The following ATXN1 variants were observed in gnomAD, a reference collection of about 807,000 sequenced individuals.
The protein encoded by ATXN1 is ataxin 1.
Under a neutral mutation model 56.4 loss-of-function variants are expected in ATXN1, and 8 were observed. The ratio of observed to expected loss-of-function variants is 0.14; its 90% CI spans 0.08 to 0.26. The LOEUF (loss-of-function observed/expected upper bound fraction) is 0.26. ATXN1 is among the 10% of genes least tolerant of loss of function. The probability of loss-of-function intolerance (pLI) is 1.00; values close to 1 mark genes in which losing one functional copy is unlikely to be tolerated. For missense variants in ATXN1, 987 were observed against 1,106.5 expected (o/e 0.89, Z 1.53); for synonymous variants, 514 against 494.6 (o/e 1.04, Z -0.52).
At chr6:16,414,333 C>A (rs955677813) in intron 6 of ATXN1, among the ~76,000 whole-genome samples, 11 of 152,202 alleles carry the variant, frequency 7.2e-5, no homozygotes, top group African/African-American at 2.7e-4. Flanking sequence ...TAATGCTTAT[C>A]GGTCACTGTT....
intron 2 of ATXN1, among the ~76,000 whole-genome samples, chr6:16,665,018 G>GC (rs1246825831): frequency 6.6e-6 from 1 of 152,026 alleles, no homozygotes; most frequent in Non-Finnish European, 1.5e-5. Flanking sequence ...TTAGATTTTT[G>GC]CAGCTCTCTT....
At chr6:16,317,354 T>G (rs1760535589) in intron 7 of ATXN1, among the ~76,000 whole-genome samples, 1 of 151,786 alleles carries the variant, frequency 6.6e-6, no homozygotes. Flanking sequence ...AGACAGAGTC[T>G]CACTCTGTCG....
chr6:16,434,835 A>T (rs10456203), intron 6 of ATXN1, among the ~76,000 whole-genome samples: 45,688 of 152,100 alleles, frequency 0.3, 7,771 homozygotes, highest in Middle Eastern at 0.47. Flanking sequence ...ATATAATCAC[A>T]TAAATACCTA....
At position 16,344,603 on chromosome 6, in the gene ATXN1, T is replaced by C. The variant is rs151313854; in HGVS notation, c.-160-16133A>G. 2.8e-3 allele frequency among the ~76,000 whole-genome samples: 422 copies of C among 152,336 alleles called. 1 individual carries two copies. Among genetic ancestry groups the C allele is most frequent in the Middle Eastern group, 6.8e-3 (2 of 294 alleles). On this transcript the variant is annotated intron_variant, in intron 6 of 7. Transcript: ENST00000436367. ...TCTTCAGCTTTTGGACTCTTGGACC[T>C]ACACTAATGGTTGGCCAGGGCTCTT... is the stretch of plus-strand genomic sequence containing the variant.
At chr6:16,531,560 T>C (rs906912878) in intron 4 of ATXN1, among the ~76,000 whole-genome samples, 1 of 150,418 alleles carries the variant, frequency 6.6e-6, no homozygotes, top group Non-Finnish European at 1.5e-5. Flanking sequence ...GATGTGGAGG[T>C]TGCAGTGAGC....
intron 3 of ATXN1, among the ~76,000 whole-genome samples, chr6:16,655,691 C>CAAAT (rs1033865768): frequency 6.5e-4 from 98 of 150,794 alleles, no homozygotes; most frequent in African/African-American, 1.7e-3. Context: ...AACCCCGTCT[C>CAAAT]AAATAAATAA....
In ATXN1 at chr6:16,327,410, C is replaced by T. The variant is rs1274047451; in HGVS notation, c.901G>A (p.Val301Ile). 6.2e-7 allele frequency: 1 copy of T among 1,613,734 alleles called. No individual in the cohort carries two copies. Among genetic ancestry groups the T allele is most frequent in the South Asian group, 1.1e-5 (1 of 91,080 alleles). Residue 301 changes from valine (V) to isoleucine (I), a missense_variant, in exon 7 of 8, where the codon GTC becomes ATC. This residue lies in a region of ATXN1 where 723 missense variants were observed against 791.7 expected (regional missense o/e 0.91). Transcript: ENST00000436367. The stretch of plus-strand genomic sequence containing the variant: ...GCTTTCTTGGTGGCCTCCCGAGGGA[C>T]AAAGTGGCTGCCGGAGTCGGCGTAT... ...MQYADSGSHF[V>I]PREATKKAES...
chr6:16,605,579 T>C (rs1312252321), intron 3 of ATXN1, among the ~76,000 whole-genome samples: 1 of 152,134 alleles, frequency 6.6e-6, no homozygotes, highest in Non-Finnish European at 1.5e-5. Context: ...GTATGATGCA[T>C]GGGGGAAGAG....
At chr6:16,426,991 G>A (rs545865296) in intron 6 of ATXN1, among the ~76,000 whole-genome samples, 9 of 151,886 alleles carry the variant, frequency 5.9e-5, no homozygotes, top group African/African-American at 1.9e-4. Context: ...CTAAAGCCCC[G>A]CCCCCTCACC....
intron 4 of ATXN1, among the ~76,000 whole-genome samples, chr6:16,539,767 G>C (rs1761675492): frequency 6.6e-6 from 1 of 152,112 alleles, no homozygotes; most frequent in African/African-American, 2.4e-5. Flanking sequence ...ACCCACTATA[G>C]AACAGTTCTA....
intron 4 of ATXN1, among the ~76,000 whole-genome samples, chr6:16,561,752 G>A (rs973057525): frequency 6.6e-6 from 1 of 152,154 alleles, no homozygotes; most frequent in African/African-American, 2.4e-5. Context: ...GCAGAGAGGG[G>A]AGGCAGGAGG....
At position 16,473,282 on chromosome 6, in the gene ATXN1, G is replaced by A. The variant is rs146930429; in HGVS notation, c.-161+12690C>T. Among the ~76,000 whole-genome samples the A allele has an allele frequency of 5.6e-4, 86 of 152,314 alleles. No individual in the cohort carries two copies. The Middle Eastern group carries it at 0.014, about 24-fold the overall frequency. ...AGCCACTCCGACCCGATATCAGGCA[G>A]TTTCAGTGACAACAAACTGGTCCCC... On this transcript the variant is annotated intron_variant, in intron 6 of 7. Transcript: ENST00000436367.
chr6:16,495,735 C>T (rs940583589), intron 5 of ATXN1, among the ~76,000 whole-genome samples: 1 of 151,984 alleles, frequency 6.6e-6, no homozygotes, highest in African/African-American at 2.4e-5. Flanking sequence ...TGGTGGCAGG[C>T]GCCTGTAGTC....
At chr6:16,617,268 A>C (rs1005413752) in intron 3 of ATXN1, among the ~76,000 whole-genome samples, 12 of 152,208 alleles carry the variant, frequency 7.9e-5, no homozygotes, top group African/African-American at 2.7e-4. Flanking sequence ...GCATGGATCA[A>C]AAATTACAAG....
chr6:16,451,052 C>T lies in ATXN1; in HGVS notation c.-161+34920G>A, dbSNP rs559213895. 4.6e-5 allele frequency among the ~76,000 whole-genome samples: 7 copies of T among 152,346 alleles called. No individual in the cohort carries two copies. The East Asian group carries it at 1.2e-3, about 25-fold the overall frequency. On this transcript the variant is annotated intron_variant, in intron 6 of 7. Transcript: ENST00000436367. Reference sequence around the variant, plus strand: ...ACTAATCATGAATCATTCGGTTCTCCAGGATGCTCCTTTGGCTTAAACCGA... The same window carrying T: ...ACTAATCATGAATCATTCGGTTCTCTAGGATGCTCCTTTGGCTTAAACCGA...
rs191380601 is a variant in ATXN1 at position 16,554,612 on chromosome 6, C to T, written c.-361+31168G>A. On this transcript the variant is annotated intron_variant, in intron 4 of 7. Transcript: ENST00000436367. ...GATTACAGGCGCCCGCCACCACGCC[C>T]GGCTAATTTTTTTGTATTTTTAGTA... is the stretch of plus-strand genomic sequence containing the variant. Among the ~76,000 whole-genome samples the T allele has an allele frequency of 6.0e-3, 915 of 152,224 alleles. 7 individuals carry two copies. The highest frequency in any genetic ancestry group is 0.013 in the African/African-American group (537 of 41,514).
chr6:16,446,296 G>A (rs576915397), intron 6 of ATXN1, among the ~76,000 whole-genome samples: 10 of 152,186 alleles, frequency 6.6e-5, no homozygotes, highest in Non-Finnish European at 8.8e-5. Flanking sequence ...ATTTTTTCAC[G>A]TGTCTTTTGG....
intron 3 of ATXN1, among the ~76,000 whole-genome samples, chr6:16,620,105 G>C (rs540471823): frequency 6.6e-6 from 1 of 152,106 alleles, no homozygotes; most frequent in South Asian, 2.1e-4. Context: ...GTATTATTTT[G>C]ATTTTAAAAC....
At chr6:16,551,939 C>T (rs540441760) in intron 4 of ATXN1, among the ~76,000 whole-genome samples, 38 of 152,142 alleles carry the variant, frequency 2.5e-4, no homozygotes, top group Non-Finnish European at 2.8e-4. Context: ...GTCTTTAAAT[C>T]GAAAAATCAA....
Sources: gnomAD v4.1 joint callset for allele counts (sites outside exome capture counted in the v4.1 genomes callset) on GRCh38, gnomAD v4.1.1 for gene constraint, gnomAD v4.1.1 regional missense constraint, MANE v1.5 for transcripts, NCBI Gene and HGNC (gene_info 2026-07-23, HGNC 2026-07-21) for gene names.